The following KIF2C variants were observed in gnomAD, a reference collection of about 807,000 sequenced individuals.
KIF2C encodes the protein kinesin family member 2C.
Under a neutral mutation model 97.4 loss-of-function variants are expected in KIF2C, and 34 were observed. The observed-to-expected ratio is 0.35, with a 90% CI of 0.27 to 0.46. KIF2C has a LOEUF of 0.46. Among genes scored for constraint, KIF2C ranks in the 20% least tolerant of loss-of-function variants. The pLI, the probability that KIF2C is intolerant of heterozygous loss-of-function variation, is 1.00. For missense variants in KIF2C, 750 were observed against 907.6 expected (o/e 0.83, Z 2.23); for synonymous variants, 313 against 318.2 (o/e 0.98, Z 0.17).
At chr1:44,761,752 G>C (rs184186579) in intron 16 of KIF2C, among the ~76,000 whole-genome samples, 164 bp from the exon 17 acceptor site, 20 of 152,300 alleles carry the variant, frequency 1.3e-4, no homozygotes, top group Admixed American at 3.9e-4. Context: ...GTGCCCATGG[G>C]GCAAGTGGCC....
At chr1:44,764,883 G>A (rs559963501) in intron 19 of KIF2C, among the ~76,000 whole-genome samples, 3 of 152,290 alleles carry the variant, frequency 2.0e-5, no homozygotes, top group South Asian at 4.1e-4. Flanking sequence ...ACTTTGGGAG[G>A]CTGAGGCGGC....
chr1:44,746,288 G>A (rs1649192485), intron 2 of KIF2C: 3 of 832,848 alleles, frequency 3.6e-6, no homozygotes, highest in Non-Finnish European at 4.4e-6. Context: ...TGAACCTGTT[G>A]TAAAGCTATC....
chr1:44,760,437 A>C lies in KIF2C; in HGVS notation c.1525A>C (p.Thr509Pro). ...GADTSSADRQ[T>P]RMEGAEINKS... ...GGACACTTCCAGTGCTGACCGGCAG[A>C]CCCGCATGGAGGGCGCAGAAATCAA... is the stretch of plus-strand genomic sequence containing the variant. Residue 509 changes from threonine to proline, a missense_variant, in exon 15 of 21, where the codon ACC becomes CCC. Thr to Pro is a conservative substitution (Grantham distance 38). Coordinates refer to ENST00000372224, the MANE Select transcript of KIF2C (RefSeq NM_006845.4). This position sits in a 1 kb window ranked among gnomAD's most constrained non-coding sequence, Gnocchi z 4.2. The C allele has an allele frequency of 6.2e-7, 1 of 1,614,174 alleles. No individual in the cohort carries two copies. The highest frequency in any genetic ancestry group is 8.5e-7 in the Non-Finnish European group (1 of 1,180,028).
chr1:44,762,735 C>T, intron 19 of KIF2C, 77 bp downstream of exon 19: 2 of 942,858 alleles, frequency 2.1e-6, no homozygotes, highest in Non-Finnish European at 3.4e-6. Flanking sequence ...CAGAACATGA[C>T]CTGGGCCTTG....
At chr1:44,762,182 A>C (rs1385650781) in intron 17 of KIF2C, 164 bp from the exon 18 acceptor site, 1 of 851,450 alleles carries the variant, frequency 1.2e-6, no homozygotes, top group Non-Finnish European at 2.0e-6. Context: ...CAGCTGGGTG[A>C]GGGGCTTTTC....
Position 44,747,364 on chromosome 1 carries a change from C to A in KIF2C, c.166-20C>A. The A allele has an allele frequency of 4.6e-6, 7 of 1,517,130 alleles. No individual in the cohort carries two copies. The highest frequency in any genetic ancestry group is 5.4e-6 in the Non-Finnish European group (6 of 1,101,354). The allele number at this position is 1,517,130 out of a possible 1,614,324, so 94.0% of individuals were successfully genotyped here. A position where few individuals can be genotyped will look rare whatever the true frequency, so the allele number is the denominator to read the frequency against. ...ATTGAACAATGTTGTTTCATTGAAA[C>A]TTTTACTTGCTCCTTGCAGATTGAT... On this transcript the variant is annotated intron_variant, in intron 2 of 20. Coordinates refer to ENST00000372224, the MANE Select transcript of KIF2C (RefSeq NM_006845.4).
Position 44,754,805 on chromosome 1 carries a change from G to C in KIF2C, c.719G>C (p.Arg240Pro). Residue 240 changes from arginine (R) to proline (P), a missense_variant, in exon 8 of 21, where the codon CGG (arginine) becomes CCG (proline). Arg to Pro is a moderately radical substitution (Grantham distance 103). Coordinates refer to ENST00000372224, the MANE Select transcript of KIF2C (RefSeq NM_006845.4). ...WEFARMIKEF[R>P]ATLECHPLTM... Reference sequence around the variant, plus strand: ...TTTGCCCGAATGATTAAAGAATTTCGGGCTACTTTGGAATGTCATCCACTT... The same window carrying C: ...TTTGCCCGAATGATTAAAGAATTTCCGGCTACTTTGGAATGTCATCCACTT... The C allele has an allele frequency of 6.2e-7, 1 of 1,613,228 alleles. No individual in the cohort carries two copies. The highest frequency in any genetic ancestry group is 8.5e-7 in the Non-Finnish European group (1 of 1,179,274).
intron 4 of KIF2C, among the ~76,000 whole-genome samples, chr1:44,748,428 A>C (rs926063636): frequency 6.6e-6 from 1 of 152,046 alleles, no homozygotes; most frequent in Non-Finnish European, 1.5e-5. Context: ...GGGCCTGACT[A>C]TTGTGGTGCT....
At chr1:44,753,700 C>T (rs773553178) in intron 6 of KIF2C, 33 bp from the exon 7 acceptor site, 7 of 1,439,054 alleles carry the variant, frequency 4.9e-6, no homozygotes, top group East Asian at 2.3e-5. Flanking sequence ...AGTGGGCTTC[C>T]TTTTTTTTTC....
intron 10 of KIF2C, among the ~76,000 whole-genome samples, chr1:44,756,544 C>CTTTTTTTTTT (rs67641740): frequency 1.5e-5 from 1 of 65,240 alleles, no homozygotes; most frequent in Non-Finnish European, 2.6e-5. Context: ...GCTCTATCTG[C>CTTTTTTTTTT]TTTTTTTTTT....
chr1:44,750,546 A>G lies in KIF2C; in HGVS notation c.421A>G (p.Lys141Glu). Residue 141 changes from lysine (K) to glutamate (E), a missense_variant, in exon 5 of 21, where the codon AAG (lysine) becomes GAG (glutamate). Lys to Glu is a moderately conservative substitution (Grantham distance 56). Transcript: ENST00000372224. ...VELPAAANSR[K>E]QFSVPPAPTR... ...GCTGCCTGCAGCTGCAAACTCCCGC[A>G]AGCAGTTTTCAGTTCCTCGTGAGTA... 1 of 1,577,154 alleles carries G rather than the reference A, an allele frequency of 6.3e-7. No homozygotes were observed.
chr1:44,755,030 C>G (rs751498196), intron 8 of KIF2C, among the ~76,000 whole-genome samples, 185 bp downstream of exon 8: 2 of 152,046 alleles, frequency 1.3e-5, no homozygotes, highest in Non-Finnish European at 2.9e-5. Context: ...TCTTGGATCA[C>G]TGCAACCTCC....
At position 44,760,192 on chromosome 1, in the gene KIF2C, G is replaced by T. The variant is rs1453680045; in HGVS notation, c.1368-88G>T. The T allele has an allele frequency of 1.6e-6, 2 of 1,243,476 alleles. No individual in the cohort carries two copies. The highest frequency in any genetic ancestry group is 2.3e-6 in the Non-Finnish European group (2 of 860,766). The allele number at this position is 1,243,476 out of a possible 1,614,324, so 77.0% of individuals were successfully genotyped here. A position where few individuals can be genotyped will look rare whatever the true frequency, so the allele number is the denominator to read the frequency against. ...ACAGGACTTTTTCGCCTCCTAACCT[G>T]TGTCCCTCCCTTCCTAGAGAACTTC... is the stretch of plus-strand genomic sequence containing the variant. On this transcript the variant is annotated intron_variant, in intron 14 of 20. Coordinates refer to ENST00000372224, the MANE Select transcript of KIF2C (RefSeq NM_006845.4). The surrounding 1 kb of genome is among the most constrained non-coding windows in gnomAD (Gnocchi z 4.2).
intron 9 of KIF2C, 38 bp downstream of exon 9, chr1:44,756,021 CT>C: frequency 6.2e-7 from 1 of 1,613,976 alleles, no homozygotes; most frequent in Admixed American, 1.7e-5. Flanking sequence ...TTCAGACTGA[CT>C]AATGGGCCTT....
At chr1:44,749,965 C>A (rs2148824778) in intron 4 of KIF2C, among the ~76,000 whole-genome samples, 1 of 150,996 alleles carries the variant, frequency 6.6e-6, no homozygotes, top group East Asian at 2.0e-4. Flanking sequence ...ACCTGTAGTT[C>A]CAGCTACTTG....
intron 5 of KIF2C, among the ~76,000 whole-genome samples, chr1:44,752,306 T>C (rs1649573605): frequency 6.6e-6 from 1 of 151,786 alleles, no homozygotes; most frequent in African/African-American, 2.4e-5. Context: ...GGCTAATTTT[T>C]TGTATTTTTA....
At chr1:44,747,510 G>A (rs1427104658) in intron 3 of KIF2C, 25 bp downstream of exon 3, 1 of 1,583,954 alleles carries the variant, frequency 6.3e-7, no homozygotes. Flanking sequence ...TCTGGCTGCA[G>A]CCAGTGCGCC....
At chr1:44,757,755 C>T in intron 11 of KIF2C, 109 bp downstream of exon 11, 1 of 1,086,014 alleles carries the variant, frequency 9.2e-7, no homozygotes, top group Non-Finnish European at 1.4e-6. Context: ...ACAGATGCCC[C>T]ATCACCAGAT....
chr1:44,753,040 C>T (rs542879902), intron 5 of KIF2C, 92 bp from the exon 6 acceptor site: 12 of 1,472,834 alleles, frequency 8.1e-6, no homozygotes, highest in Middle Eastern at 2.5e-4. Context: ...GCAGGCAGGT[C>T]GCTCTCCCGG....
Sources: gnomAD v4.1 joint callset for allele counts (sites outside exome capture counted in the v4.1 genomes callset) on GRCh38, gnomAD v4.1.1 for gene constraint, Gnocchi (gnomAD v3.1) non-coding constraint, MANE v1.5 for transcripts, NCBI Gene and HGNC (gene_info 2026-07-23, HGNC 2026-07-21) for gene names.